Variants in TMEM196 observed in about 807,000 individuals in gnomAD.
TMEM196 encodes the protein transmembrane protein 196.
TMEM196 carries 17 observed loss-of-function variants against 20.0 expected under a neutral mutation model. The ratio of observed to expected loss-of-function variants is 0.85; its 90% CI spans 0.58 to 1.27. The LOEUF is 1.27. TMEM196 is among the 50% of genes most tolerant of loss of function. TMEM196 has a pLI of 0.00. For missense variants in TMEM196, 267 were observed against 223.0 expected (o/e 1.20, Z -1.26); for synonymous variants, 113 against 88.9 (o/e 1.27, Z -1.52).
chr7:19,751,216 T>C (rs185734743), intron 1 of TMEM196, among the ~76,000 whole-genome samples: 37 of 152,206 alleles, frequency 2.4e-4, no homozygotes, highest in East Asian at 9.6e-4. Context: ...AATGCAACTA[T>C]ACAGGGGAGA....
intron 1 of TMEM196, among the ~76,000 whole-genome samples, chr7:19,759,252 A>G (rs1785334975): frequency 1.3e-5 from 2 of 152,246 alleles, no homozygotes; most frequent in East Asian, 3.9e-4. Context: ...AAAGCAAACA[A>G]TGACAGCCAT....
At chr7:19,732,004 A>T (rs764392305) in intron 1 of TMEM196, among the ~76,000 whole-genome samples, 2 of 152,228 alleles carry the variant, frequency 1.3e-5, no homozygotes, top group Non-Finnish European at 2.9e-5. Context: ...GATCTAAAAG[A>T]TCTTGGTTGA....
intron 1 of TMEM196, among the ~76,000 whole-genome samples, chr7:19,731,834 A>G (rs1191607830): frequency 6.6e-6 from 1 of 152,194 alleles, no homozygotes; most frequent in African/African-American, 2.4e-5. Flanking sequence ...GGAGGAATCA[A>G]TCAATATTTT....
At chr7:19,764,514 A>C (rs1003440178) in intron 1 of TMEM196, among the ~76,000 whole-genome samples, 1 of 152,076 alleles carries the variant, frequency 6.6e-6, no homozygotes, top group Non-Finnish European at 1.5e-5. Flanking sequence ...TGACTTTACA[A>C]ATGTTAATAG....
At chr7:19,737,238 A>C (rs1784436858) in intron 1 of TMEM196, among the ~76,000 whole-genome samples, 1 of 151,996 alleles carries the variant, frequency 6.6e-6, no homozygotes, top group Non-Finnish European at 1.5e-5. Context: ...TGTCATTAAA[A>C]ATTATAAATT....
chr7:19,725,840 G>C (rs951606828), intron 2 of TMEM196, 72 bp from the exon 3 acceptor site: 2 of 1,485,790 alleles, frequency 1.3e-6, no homozygotes, highest in African/African-American at 2.8e-5. Flanking sequence ...GCCCTGTCCG[G>C]CTGCATGTCA....
At chr7:19,727,173 T>C (rs1029427642) in intron 2 of TMEM196, among the ~76,000 whole-genome samples, 4 of 152,238 alleles carry the variant, frequency 2.6e-5, no homozygotes, top group African/African-American at 9.6e-5. Context: ...CAGCAGCTGC[T>C]GGCATTACAA....
At chr7:19,737,623 G>T (rs929724087) in intron 1 of TMEM196, among the ~76,000 whole-genome samples, 1 of 151,908 alleles carries the variant, frequency 6.6e-6, no homozygotes, top group Non-Finnish European at 1.5e-5. Context: ...TGGGTAGAAT[G>T]TAAATGCATA....
chr7:19,748,765 A>C (rs1302655104), intron 1 of TMEM196, among the ~76,000 whole-genome samples: 1 of 152,214 alleles, frequency 6.6e-6, no homozygotes, highest in African/African-American at 2.4e-5. Context: ...GGAGTGGTCT[A>C]CTAGAATGAG....
At chr7:19,759,647 C>G (rs1470358831) in intron 1 of TMEM196, among the ~76,000 whole-genome samples, 1 of 152,000 alleles carries the variant, frequency 6.6e-6, no homozygotes, top group Non-Finnish European at 1.5e-5. Context: ...TGCACGCACA[C>G]ACACGCAGGC....
chr7:19,727,204 C>T (rs1412879416), intron 2 of TMEM196, among the ~76,000 whole-genome samples: 1 of 152,082 alleles, frequency 6.6e-6, no homozygotes, highest in Non-Finnish European at 1.5e-5. Context: ...ATAATAATTC[C>T]TCTTGAGAAT....
chr7:19,736,352 A>AAT (rs1562612121), intron 1 of TMEM196, among the ~76,000 whole-genome samples: 5 of 103,984 alleles, frequency 4.8e-5, no homozygotes, highest in Admixed American at 1.0e-4. Flanking sequence ...AGTGGTTCCT[A>AAT]CTATATATAT....
chr7:19,770,697 T>A (rs1785835440), intron 1 of TMEM196, among the ~76,000 whole-genome samples: 1 of 152,196 alleles, frequency 6.6e-6, no homozygotes, highest in Admixed American at 6.5e-5. Context: ...AGGAAATAAT[T>A]CTTTCTTATA....
chr7:19,732,167 G>A (rs933124070), intron 1 of TMEM196, among the ~76,000 whole-genome samples: 2 of 152,196 alleles, frequency 1.3e-5, no homozygotes, highest in Admixed American at 6.5e-5. Context: ...AAGTTTACAC[G>A]TGGGGACATG....
intron 1 of TMEM196, among the ~76,000 whole-genome samples, chr7:19,730,234 T>C (rs552478007): frequency 7.8e-4 from 115 of 147,578 alleles, no homozygotes; most frequent in Non-Finnish European, 1.2e-3. Flanking sequence ...CCAGCCTGGG[T>C]GACGGAGCAA....
chr7:19,735,990 GA>G (rs1007416113), intron 1 of TMEM196, among the ~76,000 whole-genome samples: 17 of 151,902 alleles, frequency 1.1e-4, no homozygotes, highest in Admixed American at 1.3e-4. Context: ...AAATCATCAG[GA>G]AAACACACAG....
At chr7:19,722,696 T>C (rs551328769) in intron 4 of TMEM196, among the ~76,000 whole-genome samples, 10 of 152,164 alleles carry the variant, frequency 6.6e-5, no homozygotes, top group Admixed American at 4.6e-4. Flanking sequence ...GTGAAGTCTC[T>C]TAACATGTTT....
chr7:19,736,393 ATATATAT>A (rs1474154213), intron 1 of TMEM196, among the ~76,000 whole-genome samples: 6 of 89,826 alleles, frequency 6.7e-5, no homozygotes, highest in Middle Eastern at 5.6e-3. Context: ...ATATATATAT[ATATATAT>A]AAATTATCTC....
intron 1 of TMEM196, among the ~76,000 whole-genome samples, chr7:19,735,955 G>T (rs1784385271): frequency 6.6e-6 from 1 of 152,012 alleles, no homozygotes; most frequent in African/African-American, 2.4e-5. Flanking sequence ...CATAACGTTA[G>T]TTCGTTTCTT....
Sources: gnomAD v4.1 joint callset for allele counts (sites outside exome capture counted in the v4.1 genomes callset) on GRCh38, gnomAD v4.1.1 for gene constraint, MANE v1.5 for transcripts, NCBI Gene and HGNC (gene_info 2026-07-23, HGNC 2026-07-21) for gene names.